ADAMTS17: variants seen among roughly 807,000 people sequenced by gnomAD.
ADAMTS17 encodes ADAM metallopeptidase with thrombospondin type 1 motif 17.
ADAMTS17 carries 113 observed loss-of-function variants against 141.5 expected under a neutral mutation model. The ratio of observed to expected loss-of-function variants is 0.80; its 90% CI spans 0.69 to 0.93. ADAMTS17 has a LOEUF of 0.93. ADAMTS17 is among the 40% of genes least tolerant of loss of function. The probability of loss-of-function intolerance (pLI) is 0.00; values close to 1 mark genes in which losing one functional copy is unlikely to be tolerated. For synonymous variants in ADAMTS17, 768 were observed against 630.6 expected, an observed-to-expected ratio of 1.22 and a Z score of -3.27; for missense variants, 1,659 against 1,517.9, an observed-to-expected ratio of 1.09 and a Z score of -1.54.
At chr15:100,158,060 TGTATTTTTA>T (rs921499626) in intron 8 of ADAMTS17, among the ~76,000 whole-genome samples, 1 of 152,120 alleles carries the variant, frequency 6.6e-6, no homozygotes, top group African/African-American at 2.4e-5. Flanking sequence ...GGCTAATTTT[TGTATTTTTA>T]GTAGAGACAG....
At chr15:100,176,715 C>T (rs1358256036) in intron 8 of ADAMTS17, among the ~76,000 whole-genome samples, 1 of 152,164 alleles carries the variant, frequency 6.6e-6, no homozygotes. Flanking sequence ...CCACCACAAT[C>T]AAGAAACTTA....
intron 3 of ADAMTS17, among the ~76,000 whole-genome samples, chr15:100,300,531 G>C (rs1339009252): frequency 1.3e-5 from 2 of 152,222 alleles, no homozygotes; most frequent in South Asian, 2.1e-4. Flanking sequence ...TTCCTTGACA[G>C]CCAGGTCAGC....
At chr15:100,153,137 A>G (rs542931231) in intron 9 of ADAMTS17, among the ~76,000 whole-genome samples, 1 of 152,350 alleles carries the variant, frequency 6.6e-6, no homozygotes, top group East Asian at 1.9e-4. Context: ...TATCATGAAT[A>G]AAGAACAAGT....
intron 2 of ADAMTS17, among the ~76,000 whole-genome samples, chr15:100,338,821 C>G (rs1027710379): frequency 3.3e-5 from 5 of 152,200 alleles, no homozygotes; most frequent in Non-Finnish European, 5.9e-5. Context: ...GAGGGACTAA[C>G]ACAACATCAT....
chr15:100,119,203 C>A (rs2037323082), intron 12 of ADAMTS17, among the ~76,000 whole-genome samples: 1 of 152,134 alleles, frequency 6.6e-6, no homozygotes, highest in African/African-American at 2.4e-5. Flanking sequence ...GGACTTCCAG[C>A]CTCCAGGACT....
At chr15:100,173,689 G>A (rs1041654677) in intron 8 of ADAMTS17, among the ~76,000 whole-genome samples, 4 of 152,198 alleles carry the variant, frequency 2.6e-5, no homozygotes, top group East Asian at 1.9e-4. Context: ...CCTATGTCTC[G>A]ATTACACTGT....
intron 7 of ADAMTS17, among the ~76,000 whole-genome samples, chr15:100,253,208 G>T (rs933869463): frequency 6.6e-6 from 1 of 151,236 alleles, no homozygotes; most frequent in Non-Finnish European, 1.5e-5. Context: ...GGGAAAACTG[G>T]AAACACCCTT....
At chr15:100,108,797 A>C (rs1412143361) in intron 14 of ADAMTS17, among the ~76,000 whole-genome samples, 192 bp downstream of exon 14, 1 of 152,102 alleles carries the variant, frequency 6.6e-6, no homozygotes, top group Non-Finnish European at 1.5e-5. Flanking sequence ...TTGGCCTAGC[A>C]CTCAGTCATT....
At chr15:100,246,867 T>TTTTATTTATTTA (rs10525188) in intron 7 of ADAMTS17, among the ~76,000 whole-genome samples, 5,696 of 146,550 alleles carry the variant, frequency 0.039, 127 homozygotes, top group African/African-American at 0.051. Context: ...GCCCTTTTAT[T>TTTTATTTATTTA]TTTATTTATT....
rs191759654 is a variant in ADAMTS17 at position 99,971,797 on chromosome 15, C to A, written c.*2605G>T. The A allele has an allele frequency of 6.6e-6, 1 of 152,194 alleles. No individual in the cohort carries two copies. The highest frequency in any genetic ancestry group is 1.9e-4 in the East Asian group (1 of 5,182). The allele number at this position is 152,194 out of a possible 1,614,324, so 9.4% of individuals were successfully genotyped here. A position where few individuals can be genotyped will look rare whatever the true frequency, so the allele number is the denominator to read the frequency against. The stretch of plus-strand genomic sequence containing the variant: ...TCTGGTAACACGTGCGTTAGTGACA[C>A]GTGTGCAAGCACAAAGGTACAGTAC... On this transcript the variant is annotated 3_prime_UTR_variant, in exon 22 of 22. Coordinates refer to ENST00000268070, the MANE Select transcript of ADAMTS17 (RefSeq NM_139057.4).
chr15:100,071,056 C>G lies in ADAMTS17; in HGVS notation c.2138-17002G>C, dbSNP rs192624556. On this transcript the variant is annotated intron_variant, in intron 15 of 21. Transcript: ENST00000268070. ...ATAGATGCAATAAAAAATGATAAAG[C>G]AGATATCACCACTGATCCCACAGAA... 1.9e-3 allele frequency among the ~76,000 whole-genome samples: 288 copies of G among 149,790 alleles called. 8 individuals carry two copies. Among genetic ancestry groups the G allele is most frequent in the East Asian group, 0.016 (80 of 5,134 alleles).
At chr15:100,069,724 A>G (rs1228745892) in intron 15 of ADAMTS17, among the ~76,000 whole-genome samples, 1 of 151,558 alleles carries the variant, frequency 6.6e-6, no homozygotes, top group East Asian at 1.9e-4. Flanking sequence ...GGCCTGCCCT[A>G]CAAGAGCTCC....
chr15:100,169,550 T>G (rs1294944413), intron 8 of ADAMTS17, among the ~76,000 whole-genome samples: 1 of 152,204 alleles, frequency 6.6e-6, no homozygotes. Context: ...TTGCCTGAGG[T>G]AACTGGCCAA....
At chr15:100,140,388 TAAAA>T (rs1350999817) in intron 10 of ADAMTS17, among the ~76,000 whole-genome samples, 2 of 151,780 alleles carry the variant, frequency 1.3e-5, no homozygotes, top group African/African-American at 4.8e-5. Context: ...AACAAAAAGT[TAAAA>T]AATAACACAA....
chr15:100,119,990 G>A (rs2037371287), intron 12 of ADAMTS17, among the ~76,000 whole-genome samples: 1 of 152,202 alleles, frequency 6.6e-6, no homozygotes, highest in Admixed American at 6.5e-5. Flanking sequence ...TTATCTGGAA[G>A]GATCTTATCT....
At position 100,155,314 on chromosome 15, in the gene ADAMTS17, G is replaced by A. The variant is rs140437623; in HGVS notation, c.1188C>T (p.Gly396=). 6.8e-6 allele frequency: 11 copies of A among 1,613,510 alleles called. No individual in the cohort carries two copies. The highest frequency in any genetic ancestry group is 9.3e-6 in the Non-Finnish European group (11 of 1,179,768). ...ATGAGTGGTCATCGTCGTGGTTCAT[G>A]CCCAAGCTGTCCAAGAAGGAGGAGA... ...TIAHELGHNL[G]MNHDDDHSSC... is the part of the protein sequence containing the mutation. Residue 396 remains glycine (G), a synonymous_variant, in exon 9 of 22, where the codon GGC becomes GGT. Coordinates refer to ENST00000268070, the MANE Select transcript of ADAMTS17 (RefSeq NM_139057.4).
At chr15:100,178,240 T>C (rs1438918521) in intron 8 of ADAMTS17, among the ~76,000 whole-genome samples, 1 of 152,174 alleles carries the variant, frequency 6.6e-6, no homozygotes, top group Non-Finnish European at 1.5e-5. Flanking sequence ...TTCTTTTTTC[T>C]AGACATCCTG....
At position 100,149,153 on chromosome 15, in the gene ADAMTS17, G is replaced by A. The variant is rs372314426; in HGVS notation, c.1473+3459C>T. Among the ~76,000 whole-genome samples the A allele has an allele frequency of 2.6e-5, 4 of 152,092 alleles. No homozygotes were observed. In the East Asian group the frequency reaches 7.7e-4, roughly 29 times the overall value. On this transcript the variant is annotated intron_variant, in intron 10 of 21. Transcript: ENST00000268070. ...ACACAGTCCTACAAAAGCAGGGAAG[G>A]CGCAGACTGTTGATACAGCAGGGCC...
Position 100,256,367 on chromosome 15 carries a change from GCAC to G in ADAMTS17, c.1032-2191_1032-2189del, listed in dbSNP as rs945410462. 5 of 152,334 alleles carry G rather than the reference GCAC, an allele frequency of 3.3e-5. No homozygotes were observed. In the East Asian group the frequency reaches 5.8e-4, roughly 18 times the overall value. 9.4% of individuals were successfully genotyped at this position (152,334 alleles called of 1,614,324 possible). ...GGTCCATATTTTCATTTTGCATGGG[GCAC>G]CACAAGTTACACAGCTGATCCTGTG... On this transcript the variant is annotated intron_variant, in intron 6 of 21. Transcript: ENST00000268070.
Sources: allele counts gnomAD v4.1 joint callset (sites outside exome capture counted in the v4.1 genomes callset), GRCh38; gene constraint gnomAD v4.1.1; transcripts MANE v1.5; gene names NCBI Gene and HGNC (gene_info 2026-07-23, HGNC 2026-07-21).